Variants in ZNF404 observed in about 807,000 individuals in gnomAD.
ZNF404 encodes zinc finger protein 404.
Under a neutral mutation model 7.3 loss-of-function variants are expected in ZNF404, and 7 were observed. That is an observed-to-expected ratio of 0.95 (90% CI 0.54 to 1.79). The LOEUF is 1.79. Ranked by LOEUF, ZNF404 falls within the 40% of genes most tolerant of loss-of-function variation. ZNF404 has a pLI of 0.00. For synonymous variants in ZNF404, 191 were observed against 209.9 expected (o/e 0.91, Z 0.78); for missense variants, 560 against 661.5 (o/e 0.85, Z 1.68).
At position 43,873,055 on chromosome 19, in the gene ZNF404, C is replaced by T; in HGVS notation, c.1159G>A (p.Glu387Lys). ...TGAAGCTTAAAAGTCTTCCCACATT[C>T]TTTACATTCATGTGGCTTCTCACCA... The part of the protein sequence containing the change: ...HTGEKPHECK[E>K]CGKTFKLHSY... The change falls in exon 3 of 3, where the codon GAA (glutamate) becomes AAA (lysine). Residue 387 changes from glutamate to lysine, a missense_variant. Transcript: ENST00000587539. 1.9e-6 allele frequency: 3 copies of T among 1,611,074 alleles called. No homozygotes were observed. The highest frequency in any genetic ancestry group is 2.5e-6 in the Non-Finnish European group (3 of 1,178,244).
chr19:43,873,456 C>A lies in ZNF404; in HGVS notation c.758G>T (p.Arg253Ile). The stretch of plus-strand genomic sequence containing the variant: ...ATGCAGACACATATGTCGATATAAT[C>A]TAAACGTTTCCCCACATTCCTTACA... ...FECKECGETF[R>I]LYRHMCLHQK... Residue 253 changes from arginine (R) to isoleucine (I), a missense_variant, in exon 3 of 3, where the codon AGA becomes ATA. Physicochemically the swap from Arg to Ile is moderately conservative, Grantham distance 97 (BLOSUM62 -3). Transcript: ENST00000587539. 6.2e-7 allele frequency: 1 copy of A among 1,613,592 alleles called. No homozygotes were observed. Among genetic ancestry groups the A allele is most frequent in the Non-Finnish European group, 8.5e-7 (1 of 1,179,680 alleles).
intron 2 of ZNF404, among the ~76,000 whole-genome samples, chr19:43,879,204 T>C (rs1202541401): frequency 1.3e-5 from 2 of 152,104 alleles, no homozygotes; most frequent in Non-Finnish European, 2.9e-5. Context: ...TTGGAAGTTA[T>C]AAAAGAGAAT....
chr19:43,882,907 C>T (rs1971908362), intron 1 of ZNF404, among the ~76,000 whole-genome samples: 1 of 151,906 alleles, frequency 6.6e-6, no homozygotes, highest in Admixed American at 6.6e-5. Flanking sequence ...TCAAGACCAG[C>T]CTGGCCAACA....
chr19:43,873,578 CA>C lies in ZNF404; in HGVS notation c.635del (p.Met212ArgfsTer29). The C allele has an allele frequency of 6.2e-7, 1 of 1,613,666 alleles. No individual in the cohort carries two copies. Among genetic ancestry groups the C allele is most frequent in the Non-Finnish European group, 8.5e-7 (1 of 1,179,704 alleles). On this transcript the variant is annotated frameshift_variant, in exon 3 of 3. Coordinates refer to ENST00000587539, the MANE Select transcript of ZNF404 (RefSeq NM_001033719.3). LOFTEE classifies it low-confidence loss of function (END_TRUNC). ...LIQHQIIHTG[M>X]KPYECKQCGK... ...CGCATTGCTTACATTCATAGGGTTT[CA>C]TACCAGTATGAATTATCTGATGCTG... is the stretch of plus-strand genomic sequence containing the variant.
At chr19:43,879,373 A>C (rs1971876871) in intron 2 of ZNF404, among the ~76,000 whole-genome samples, 2 of 152,200 alleles carry the variant, frequency 1.3e-5, no homozygotes. Context: ...AGATAAGGAC[A>C]TGAAAAAGTT....
Position 43,873,871 on chromosome 19 carries a change from GT to G in ZNF404, c.342del (p.Lys114AsnfsTer37). On this transcript the variant is annotated frameshift_variant, in exon 3 of 3. Coordinates refer to ENST00000587539, the MANE Select transcript of ZNF404 (RefSeq NM_001033719.3). LOFTEE classifies it low-confidence loss of function (END_TRUNC). ...CTCTTATGTAGAGGAAGGGATTTAT[GT>G]TTTTTGAATATCATTTGACTAAAAC... ...VGCFSQMIFK[K>X]HKSLPLHKRN... 6.2e-7 allele frequency: 1 copy of G among 1,612,812 alleles called. No individual in the cohort carries two copies. Among genetic ancestry groups the G allele is most frequent in the Non-Finnish European group, 8.5e-7 (1 of 1,179,436 alleles).
At position 43,883,958 on chromosome 19, in the gene ZNF404, G is replaced by T. The variant is rs377285927; in HGVS notation, c.7C>A (p.Arg3=). The T allele has an allele frequency of 6.3e-7, 1 of 1,599,028 alleles. No homozygotes were observed. Among genetic ancestry groups the T allele is most frequent in the Admixed American group, 1.7e-5 (1 of 59,954 alleles). MA[R]VPLTFSDVAI... ...AAGCAAAAGAGACATCAACTCACCC[G>T]GGCCATGGTTTCAGAAATGCTAGTT... The change falls in exon 1 of 3, where the codon CGG becomes AGG. Residue 3 remains arginine (R), a splice_region_variant and synonymous_variant. Transcript: ENST00000587539.
Position 43,873,323 on chromosome 19 carries a change from T to C in ZNF404, c.891A>G (p.Lys297=), listed in dbSNP as rs777855419. The C allele has an allele frequency of 6.2e-7, 1 of 1,613,416 alleles. No individual in the cohort carries two copies. The highest frequency in any genetic ancestry group is 8.5e-7 in the Non-Finnish European group (1 of 1,179,596). Residue 297 remains lysine, a synonymous_variant, in exon 3 of 3, where the codon AAA becomes AAG. Transcript: ENST00000587539. Reference sequence around the variant, plus strand: ...TTTCACATTGTTCACATTTATATGGTTTCTCACCAGAATGAATTTTCTTAT... The same window carrying C: ...TTTCACATTGTTCACATTTATATGGCTTCTCACCAGAATGAATTTTCTTAT... The part of the protein sequence containing the change: ...YQHKKIHSGE[K]PYKCEQCEKA...
Position 43,873,102 on chromosome 19 carries a change from G to C in ZNF404, c.1112C>G (p.Thr371Arg). The change falls in exon 3 of 3, where the codon ACA becomes AGA. Residue 371 changes from threonine to arginine, a missense_variant. Transcript: ENST00000587539. Reference sequence around the variant, plus strand: ...ACCAGTATGAATTCTCTGATGCTGTGTAAGTTGAGAGCCTCTACAAAAGGC... The same window carrying C: ...ACCAGTATGAATTCTCTGATGCTGTCTAAGTTGAGAGCCTCTACAAAAGGC... ...GKAFCRGSQL[T>R]QHQRIHTGEK... 3.7e-6 allele frequency: 6 copies of C among 1,613,082 alleles called. No individual in the cohort carries two copies. Among genetic ancestry groups the C allele is most frequent in the Non-Finnish European group, 5.1e-6 (6 of 1,179,508 alleles).
In ZNF404 at chr19:43,873,616, A is replaced by T; in HGVS notation, c.598T>A (p.Ser200Thr). The change falls in exon 3 of 3, where the codon TCA becomes ACA. Residue 200 changes from serine (S) to threonine (T), a missense_variant. Transcript: ENST00000587539. Reference protein sequence around the residue: ...NGCEKAFRFYSQLIQHQIIHT... With the variant: ...NGCEKAFRFYTQLIQHQIIHT... ...ATTATCTGATGCTGAATAAGCTGTGAATAAAACCTAAAGGCCTTCTCACAT... is the reference window on the plus strand; with the variant it reads ...ATTATCTGATGCTGAATAAGCTGTGTATAAAACCTAAAGGCCTTCTCACAT... The T allele has an allele frequency of 6.2e-7, 1 of 1,613,518 alleles. No individual in the cohort carries two copies. Among genetic ancestry groups the T allele is most frequent in the South Asian group, 1.1e-5 (1 of 91,066 alleles).
At chr19:43,876,937 CAAAG>C (rs1220972785) in intron 2 of ZNF404, among the ~76,000 whole-genome samples, 5 of 152,050 alleles carry the variant, frequency 3.3e-5, no homozygotes, top group African/African-American at 9.7e-5. Context: ...CAAGGAAAGA[CAAAG>C]AAACTGTCAC....
chr19:43,879,932 T>C lies in ZNF404; in HGVS notation c.136+78A>G. 3.2e-6 allele frequency: 5 copies of C among 1,555,322 alleles called. No individual in the cohort carries two copies. The South Asian group carries it at 4.5e-5, about 14-fold the overall frequency. On this transcript the variant is annotated intron_variant, in intron 2 of 2. Coordinates refer to ENST00000587539, the MANE Select transcript of ZNF404 (RefSeq NM_001033719.3). ...CAGAAATGTAGCTGGTTTCTTGGCA[T>C]AGACCATAAAATATACAACAGAGAA...
At chr19:43,881,830 G>A (rs181128003) in intron 1 of ZNF404, 3 of 152,282 alleles carry the variant, frequency 2.0e-5, no homozygotes, top group Admixed American at 2.0e-4. Context: ...GGTAGCGCAT[G>A]CCTGTAATCC....
At chr19:43,880,234 A>C (rs1417891885) in intron 1 of ZNF404, 98 bp from the exon 2 acceptor site, 1 of 1,055,710 alleles carries the variant, frequency 9.5e-7, no homozygotes, top group African/African-American at 1.6e-5. Context: ...AAAAAGAAGT[A>C]GTCTAGAGTT....
Position 43,883,936 on chromosome 19 carries a change from CAA to C in ZNF404, c.9+18_9+19del. ...AAAAAATCACAATAAGTCAGAAAAG[CAA>C]AAGAGACATCAACTCACCCGGGCCA... On this transcript the variant is annotated intron_variant, in intron 1 of 2. Coordinates refer to ENST00000587539, the MANE Select transcript of ZNF404 (RefSeq NM_001033719.3). 1 of 1,598,340 alleles carries C rather than the reference CAA, an allele frequency of 6.3e-7. No individual in the cohort carries two copies. Among genetic ancestry groups the C allele is most frequent in the Non-Finnish European group, 8.5e-7 (1 of 1,179,248 alleles).
chr19:43,878,279 C>G (rs1034983477), intron 2 of ZNF404, among the ~76,000 whole-genome samples: 2 of 149,492 alleles, frequency 1.3e-5, no homozygotes, highest in African/African-American at 4.9e-5. Flanking sequence ...GCCATTCTAA[C>G]TGGTGTGAGA....
chr19:43,873,448 G>A lies in ZNF404; in HGVS notation c.766C>T (p.Arg256Ter), dbSNP rs553935311. The change falls in exon 3 of 3, where the codon CGA becomes TGA. Residue 256 changes from arginine to a stop codon, truncating the protein, a stop_gained. Coordinates refer to ENST00000587539, the MANE Select transcript of ZNF404 (RefSeq NM_001033719.3). LOFTEE classifies it low-confidence loss of function (END_TRUNC). ...ATTTTCTGATGCAGACACATATGTC[G>A]ATATAATCTAAACGTTTCCCCACAT... ...KECGETFRLY[R>*]HMCLHQKIHH... 3.8e-5 allele frequency: 62 copies of A among 1,613,414 alleles called. No individual in the cohort carries two copies. Among genetic ancestry groups the A allele is most frequent in the East Asian group, 2.2e-4 (10 of 44,854 alleles).
chr19:43,882,809 AT>A (rs1164426354), intron 1 of ZNF404, among the ~76,000 whole-genome samples: 1 of 151,182 alleles, frequency 6.6e-6, no homozygotes, highest in East Asian at 1.9e-4. Flanking sequence ...AAAAAAAAAA[AT>A]TAAAAAGAGG....
chr19:43,875,139 T>C (rs186132523), intron 2 of ZNF404, among the ~76,000 whole-genome samples: 1 of 152,322 alleles, frequency 6.6e-6, no homozygotes, highest in Admixed American at 6.5e-5. Context: ...AAAAGGCTGA[T>C]ATGTGGCCAT....
Sources: allele counts gnomAD v4.1 joint callset (sites outside exome capture counted in the v4.1 genomes callset), GRCh38; gene constraint gnomAD v4.1.1; transcripts MANE v1.5; gene names NCBI Gene and HGNC (gene_info 2026-07-23, HGNC 2026-07-21).